TJP1: variants seen among roughly 807,000 people sequenced by gnomAD.
The protein encoded by TJP1 is tight junction protein ZO-1.
TJP1 carries 43 observed loss-of-function variants against 194.2 expected under a neutral mutation model. The observed-to-expected ratio is 0.22, with a 90% CI of 0.17 to 0.29. The LOEUF is 0.29. Ranked by LOEUF, TJP1 falls within the 10% of genes least tolerant of loss-of-function variation. TJP1 has a pLI of 1.00. For missense variants in TJP1, 1,971 were observed against 2,185.7 expected (o/e 0.90, Z 1.96); for synonymous variants, 801 against 779.0 (o/e 1.03, Z -0.47).
intron 2 of TJP1, among the ~76,000 whole-genome samples, chr15:29,939,070 T>C (rs982248047): frequency 9.9e-5 from 15 of 152,214 alleles, no homozygotes; most frequent in African/African-American, 2.7e-4. Flanking sequence ...TCTTGGACAA[T>C]GTGAACACAC....
chr15:29,798,228 C>T lies in TJP1; in HGVS notation c.84+2418G>A, dbSNP rs1377274193. Among the ~76,000 whole-genome samples, 4 of 151,694 alleles carry T rather than the reference C, an allele frequency of 2.6e-5. No homozygotes were observed. In the South Asian group the frequency reaches 6.2e-4, roughly 24 times the overall value. The stretch of plus-strand genomic sequence containing the variant: ...TCGGGTAATCCACCAGCCTCTCCCT[C>T]CCAAAGTGCTGGGATTACAGGTGTG... On this transcript the variant is annotated intron_variant, in intron 2 of 27. Coordinates refer to ENST00000614355, the MANE Select transcript of TJP1 (RefSeq NM_001330239.4).
intron 2 of TJP1, among the ~76,000 whole-genome samples, chr15:29,844,772 T>C (rs2051348813): frequency 6.6e-6 from 1 of 152,124 alleles, no homozygotes; most frequent in Admixed American, 6.5e-5. Flanking sequence ...ATTGGTGAGA[T>C]CAATCTGGAC....
chr15:29,905,595 C>A (rs1403501892), intron 2 of TJP1, among the ~76,000 whole-genome samples: 2 of 152,112 alleles, frequency 1.3e-5, no homozygotes, highest in African/African-American at 4.8e-5. Flanking sequence ...ATTGCCAAAA[C>A]CTGGGAGTAA....
At position 29,719,923 on chromosome 15, in the gene TJP1, T is replaced by C; in HGVS notation, c.2857A>G (p.Asn953Asp). 6.2e-7 allele frequency: 1 copy of C among 1,614,146 alleles called. No homozygotes were observed. Among genetic ancestry groups the C allele is most frequent in the Non-Finnish European group, 8.5e-7 (1 of 1,180,026 alleles). Residue 953 changes from asparagine to aspartate, a missense_variant, in exon 20 of 28, where the codon AAT becomes GAT. Asn to Asp is a conservative substitution (Grantham distance 23). This residue lies in a region of TJP1 where 1,108 missense variants were observed against 1,128.5 expected (regional missense o/e 0.98). Transcript: ENST00000614355. The part of the protein sequence containing the change: ...SAVNHNVNLT[N>D]VRLEEPTPAP... ...GGGGTGGGCTCCTCCAGTCTGACAT[T>C]AGTTAAATTTACATTATGATTAACA...
At chr15:29,755,022 T>A (rs1182920791) in intron 8 of TJP1, among the ~76,000 whole-genome samples, 1 of 152,182 alleles carries the variant, frequency 6.6e-6, no homozygotes, top group African/African-American at 2.4e-5. Flanking sequence ...TAAGACCACA[T>A]AAGGATATTT....
intron 5 of TJP1, among the ~76,000 whole-genome samples, chr15:29,766,030 C>A (rs750159016): frequency 3.9e-5 from 6 of 152,198 alleles, no homozygotes; most frequent in Non-Finnish European, 8.8e-5. Context: ...CCTGGCTATT[C>A]TCATCACAAC....
At chr15:29,838,861 C>A (rs1596078106) in intron 2 of TJP1, among the ~76,000 whole-genome samples, 1 of 152,108 alleles carries the variant, frequency 6.6e-6, no homozygotes, top group South Asian at 2.1e-4. Flanking sequence ...ATAAATGGAA[C>A]CATACAGTAC....
At chr15:29,728,042 A>G in intron 15 of TJP1, 23 bp from the exon 16 acceptor site, 1 of 1,604,068 alleles carries the variant, frequency 6.2e-7, no homozygotes, top group African/African-American at 1.3e-5. Flanking sequence ...TCAGGACAAA[A>G]ATAAGACATC....
chr15:29,808,876 A>T (rs1411771165), intron 1 of TJP1, among the ~76,000 whole-genome samples: 1 of 152,110 alleles, frequency 6.6e-6, no homozygotes, highest in Non-Finnish European at 1.5e-5. Context: ...AACAGAAAAA[A>T]CCCTGGGACC....
chr15:29,715,388 T>TA (rs2042501698), intron 23 of TJP1, among the ~76,000 whole-genome samples: 1 of 152,206 alleles, frequency 6.6e-6, no homozygotes, highest in Admixed American at 6.5e-5. Flanking sequence ...CATAAAGCCT[T>TA]AAATATAGGA....
rs1315343751 is a variant in TJP1, at chr15:29,822,290, C to A, written c.-262G>T. 3.5e-6 allele frequency: 4 copies of A among 1,137,482 alleles called. No homozygotes were observed. The highest frequency in any genetic ancestry group is 1.6e-5 in the African/African-American group (1 of 61,684). The allele number at this position is 1,137,482 out of a possible 1,614,324, so 70.5% of individuals were successfully genotyped here. A position where few individuals can be genotyped will look rare whatever the true frequency, so the allele number is the denominator to read the frequency against. On this transcript the variant is annotated 5_prime_UTR_variant, in exon 1 of 28. Transcript: ENST00000614355. ...CGAGCGCGGCCACCCACTCGGCCTC[C>A]CGCAGCTTTCGCAGCCCGGCCACGT...
intron 2 of TJP1, among the ~76,000 whole-genome samples, chr15:29,847,236 G>A (rs1366968826): frequency 6.6e-6 from 1 of 152,010 alleles, no homozygotes; most frequent in Non-Finnish European, 1.5e-5. Flanking sequence ...CAGAGTAGCT[G>A]GGACCACAGG....
At chr15:29,747,741 A>G (rs907927262) in intron 8 of TJP1, among the ~76,000 whole-genome samples, 13 of 152,186 alleles carry the variant, frequency 8.5e-5, no homozygotes, top group Non-Finnish European at 1.6e-4. Flanking sequence ...AACTTACAAT[A>G]TTTTAACTCA....
intron 1 of TJP1, among the ~76,000 whole-genome samples, chr15:29,959,076 G>A (rs964998237): frequency 3.3e-5 from 5 of 150,914 alleles, no homozygotes; most frequent in East Asian, 2.0e-4. Flanking sequence ...TGCAAGCTCC[G>A]TCTCCTGGGT....
At chr15:29,917,136 G>A (rs945616003) in intron 2 of TJP1, among the ~76,000 whole-genome samples, 54 of 152,358 alleles carry the variant, frequency 3.5e-4, no homozygotes, top group African/African-American at 1.2e-3. Context: ...TAGCTCAGCT[G>A]TAAACAAAAG....
intron 9 of TJP1, among the ~76,000 whole-genome samples, 162 bp from the exon 10 acceptor site, chr15:29,741,598 A>G (rs1421348635): frequency 2.6e-5 from 4 of 152,222 alleles, no homozygotes; most frequent in African/African-American, 7.2e-5. Context: ...TGAAGTCTTT[A>G]TAACAAGTAG....
intron 1 of TJP1, among the ~76,000 whole-genome samples, chr15:29,805,868 T>C (rs2049080430): frequency 6.6e-6 from 1 of 151,976 alleles, no homozygotes; most frequent in South Asian, 2.1e-4. Context: ...AGGAAAAAAG[T>C]GGAGAAAGAT....
rs753286694 is a variant in TJP1, at chr15:29,708,509, CAT to C, written c.4850+48_4850+49del. The C allele has an allele frequency of 3.5e-6, 5 of 1,437,598 alleles. No individual in the cohort carries two copies. The African/African-American group carries it at 5.7e-5, about 16-fold the overall frequency. The allele number at this position is 1,437,598 out of a possible 1,614,324, so 89.1% of individuals were successfully genotyped here. On this transcript the variant is annotated intron_variant, in intron 25 of 27. Coordinates refer to ENST00000614355, the MANE Select transcript of TJP1 (RefSeq NM_001330239.4). ...AGTCAAATAAACTACAACAAACTCA[CAT>C]GAGAAAAATCACAGGGCCAATGCTT... is the stretch of plus-strand genomic sequence containing the variant.
In TJP1 at chr15:29,881,757, AAGG is replaced by A. The variant is rs565619523; in HGVS notation, c.306+74472_306+74474del. Reference sequence around the variant, plus strand: ...CCAGTAATTCCATATACTCACCGACAAGGAGCTTTAAAAAGTGCTTCTGGACAA... The same window carrying A: ...CCAGTAATTCCATATACTCACCGACAAGCTTTAAAAAGTGCTTCTGGACAA... On this transcript the variant is annotated intron_variant, in intron 2 of 28. Coordinates refer to the TJP1 transcript ENST00000356107. 2.0e-5 allele frequency among the ~76,000 whole-genome samples: 3 copies of A among 152,234 alleles called. No individual in the cohort carries two copies. In the South Asian group the frequency reaches 6.2e-4, roughly 32 times the overall value.
Sources: gnomAD v4.1 joint callset for allele counts (sites outside exome capture counted in the v4.1 genomes callset) on GRCh38, gnomAD v4.1.1 for gene constraint, gnomAD v4.1.1 regional missense constraint, MANE v1.5 for transcripts, NCBI Gene and HGNC (gene_info 2026-07-23, HGNC 2026-07-21) for gene names.